WWOX: variants seen among roughly 807,000 people sequenced by gnomAD.
WWOX encodes WW domain-containing oxidoreductase.
Under a neutral mutation model 46.2 loss-of-function variants are expected in WWOX, and 69 were observed. The ratio of observed to expected loss-of-function variants is 1.49; its 90% CI spans 1.23 to 1.82. The LOEUF is 1.82. Ranked by LOEUF, WWOX falls within the 40% of genes most tolerant of loss-of-function variation. WWOX has a pLI of 0.00. For missense variants in WWOX, 919 were observed against 542.6 expected, an observed-to-expected ratio of 1.69 and a Z score of -6.89; for synonymous variants, 359 against 202.6, an observed-to-expected ratio of 1.77 and a Z score of -6.56.
In WWOX at chr16:78,192,428, G is replaced by T. The variant is rs1407864746; in HGVS notation, c.516+28139G>T. 6.3e-5 allele frequency among the ~76,000 whole-genome samples: 9 copies of T among 143,890 alleles called. No homozygotes were observed. In the East Asian group the frequency reaches 1.9e-3, roughly 31 times the overall value. The allele number at this position is 143,890 out of a possible 152,430, so 94.4% of individuals were successfully genotyped here. ...AATCACTTGAACCCAGTAGGCGGAG[G>T]TTGCAGTGAGCCGAGATCGCACCAC... On this transcript the variant is annotated intron_variant, in intron 5 of 8. Coordinates refer to ENST00000566780, the MANE Select transcript of WWOX (RefSeq NM_016373.4).
chr16:78,921,676 A>G (rs2045383129), intron 8 of WWOX, among the ~76,000 whole-genome samples: 1 of 152,000 alleles, frequency 6.6e-6, no homozygotes, highest in African/African-American at 2.4e-5. Flanking sequence ...GTTCCTGGCA[A>G]CTCCTTCTGA....
intron 8 of WWOX, among the ~76,000 whole-genome samples, chr16:78,957,628 C>G (rs1005230985): frequency 2.6e-5 from 4 of 152,308 alleles, no homozygotes; most frequent in Admixed American, 2.0e-4. Context: ...CGGATAGATT[C>G]TATCTCTAAA....
chr16:78,316,414 C>T (rs1180469984), intron 5 of WWOX, among the ~76,000 whole-genome samples: 2 of 152,090 alleles, frequency 1.3e-5, no homozygotes, highest in Non-Finnish European at 2.9e-5. Context: ...GATCTTGGCT[C>T]ACTGCAACCT....
intron 8 of WWOX, among the ~76,000 whole-genome samples, chr16:78,619,901 C>G (rs1380180621): frequency 6.6e-6 from 1 of 151,836 alleles, no homozygotes; most frequent in Non-Finnish European, 1.5e-5. Flanking sequence ...GAACCTGTCT[C>G]CAAAATAAAT....
chr16:78,604,791 C>T (rs181001038), intron 8 of WWOX, among the ~76,000 whole-genome samples: 4 of 1,360 alleles, frequency 2.9e-3, no homozygotes, highest in African/African-American at 6.1e-3. Context: ...CCCTCCTTCC[C>T]CCCTCCCTCC....
chr16:79,179,484 C>G (rs960816375), intron 8 of WWOX, among the ~76,000 whole-genome samples: 3 of 152,194 alleles, frequency 2.0e-5, no homozygotes, highest in African/African-American at 2.4e-5. Flanking sequence ...CAAGGGAAAA[C>G]CTGCAAACAT....
At chr16:78,123,440 GTTTTTTTTTTTTTTGTTTTTT>G (rs1447161062) in intron 4 of WWOX, 1 of 50,500 alleles carries the variant, frequency 2.0e-5, no homozygotes, top group East Asian at 6.3e-4. Flanking sequence ...TTTTTGTTTT[GTTTTTTTTTTTTTTGTTTTTT>G]TTTTTTGTTT....
intron 8 of WWOX, among the ~76,000 whole-genome samples, chr16:79,008,692 C>T (rs2047239927): frequency 1.3e-5 from 2 of 152,184 alleles, no homozygotes; most frequent in African/African-American, 2.4e-5. Flanking sequence ...TCCCTACTCC[C>T]TTCACTCCCT....
At chr16:79,193,797 T>C (rs1224908487) in intron 8 of WWOX, among the ~76,000 whole-genome samples, 1 of 152,090 alleles carries the variant, frequency 6.6e-6, no homozygotes, top group Non-Finnish European at 1.5e-5. Context: ...GGGTGGCAGC[T>C]GGGGAGAAGC....
At chr16:78,598,386 T>C (rs1351691919) in intron 8 of WWOX, among the ~76,000 whole-genome samples, 1 of 152,186 alleles carries the variant, frequency 6.6e-6, no homozygotes, top group Non-Finnish European at 1.5e-5. Flanking sequence ...TGGGTTAAAA[T>C]CGAGAGGGGA....
chr16:79,140,500 C>G (rs955013409), intron 8 of WWOX, among the ~76,000 whole-genome samples: 6 of 152,300 alleles, frequency 3.9e-5, no homozygotes, highest in Admixed American at 3.9e-4. Context: ...CAGTAGATTC[C>G]TTGTCTCTGG....
intron 8 of WWOX, among the ~76,000 whole-genome samples, chr16:78,651,895 C>G (rs1399050476): frequency 6.6e-6 from 1 of 152,012 alleles, no homozygotes; most frequent in Non-Finnish European, 1.5e-5. Flanking sequence ...GCTAGCTATT[C>G]CCATAGGGAG....
At chr16:79,079,462 G>C (rs954912567) in intron 8 of WWOX, among the ~76,000 whole-genome samples, 2 of 152,146 alleles carry the variant, frequency 1.3e-5, no homozygotes, top group Non-Finnish European at 2.9e-5. Context: ...CTGTGACCTT[G>C]GGAGACAGTC....
intron 5 of WWOX, among the ~76,000 whole-genome samples, chr16:78,350,640 T>G (rs1179663330): frequency 8.2e-6 from 1 of 121,874 alleles, no homozygotes; most frequent in South Asian, 2.4e-4. Flanking sequence ...CAGTACTTCT[T>G]TTTTTAGGGC....
chr16:78,560,762 T>C lies in WWOX; in HGVS notation c.1056+128010T>C, dbSNP rs1199768297. On this transcript the variant is annotated intron_variant, in intron 8 of 8. Transcript: ENST00000566780. ...CTATGGTGATTGAGTTTTTGTGTTA[T>C]GAATTTTATACTCTGAAGGCATGGT... Among the ~76,000 whole-genome samples the C allele has an allele frequency of 4.6e-5, 7 of 152,366 alleles. 1 individual carries two copies. Among genetic ancestry groups the C allele is most frequent in the East Asian group, 1.9e-4 (1 of 5,192 alleles).
At chr16:78,661,311 C>T (rs1050729172) in intron 8 of WWOX, among the ~76,000 whole-genome samples, 2 of 152,140 alleles carry the variant, frequency 1.3e-5, no homozygotes, top group Non-Finnish European at 2.9e-5. Context: ...ATCAGCACGC[C>T]ATTTTTTAAA....
intron 8 of WWOX, among the ~76,000 whole-genome samples, chr16:78,487,076 A>G (rs574579241): frequency 2.6e-5 from 4 of 152,330 alleles, no homozygotes; most frequent in African/African-American, 9.6e-5. Flanking sequence ...TTGTAGTGAT[A>G]TTAAGGACAA....
intron 8 of WWOX, among the ~76,000 whole-genome samples, chr16:78,728,452 G>T (rs1023343195): frequency 6.6e-6 from 1 of 152,150 alleles, no homozygotes; most frequent in East Asian, 1.9e-4. Context: ...CTTCTCCAGT[G>T]CTTGGTTCCC....
intron 8 of WWOX, among the ~76,000 whole-genome samples, chr16:78,960,679 G>A (rs952496136): frequency 6.6e-6 from 1 of 152,174 alleles, no homozygotes; most frequent in African/African-American, 2.4e-5. Context: ...AGGGACAATA[G>A]GTCCCTGTGC....
Sources: allele counts gnomAD v4.1 joint callset (sites outside exome capture counted in the v4.1 genomes callset), GRCh38; gene constraint gnomAD v4.1.1; transcripts MANE v1.5; gene names NCBI Gene and HGNC (gene_info 2026-07-23, HGNC 2026-07-21).